ANKRD30A: variants seen among roughly 807,000 people sequenced by gnomAD.
ANKRD30A encodes ankyrin repeat domain-containing protein 30A.
Under a neutral mutation model 166.3 loss-of-function variants are expected in ANKRD30A, and 170 were observed. That is an observed-to-expected ratio of 1.02 (90% CI 0.90 to 1.16). The LOEUF (loss-of-function observed/expected upper bound fraction) is 1.16. ANKRD30A is among the 50% of genes most tolerant of loss of function. The probability of loss-of-function intolerance (pLI) is 0.00; values close to 1 mark genes in which losing one functional copy is unlikely to be tolerated. For synonymous variants in ANKRD30A, 564 were observed against 508.9 expected, an observed-to-expected ratio of 1.11 and a Z score of -1.46; for missense variants, 1,630 against 1,518.0, an observed-to-expected ratio of 1.07 and a Z score of -1.23.
chr10:37,240,394 T>C, the ANKRD30A span, among the ~76,000 whole-genome samples: 3 of 152,130 alleles, frequency 2.0e-5, no homozygotes, highest in Non-Finnish European at 2.9e-5. Flanking sequence ...TTGTAATGCA[T>C]AGCCAAACAG....
At position 37,231,453 on chromosome 10, in the gene ANKRD30A, C is replaced by T. The variant is rs778901158; in HGVS notation, c.4186-8C>T. ...ATACTAAGCATTTTCCTTTTGCAAT[C>T]TTCACAGAACTCATGAGAGACAAGC... On this transcript the variant is annotated splice_region_variant and splice_polypyrimidine_tract_variant and intron_variant, in intron 34 of 35. Coordinates refer to ENST00000361713, the MANE Select transcript of ANKRD30A (RefSeq NM_052997.3). The T allele has an allele frequency of 2.5e-6, 4 of 1,586,078 alleles. No individual in the cohort carries two copies. Among genetic ancestry groups the T allele is most frequent in the Non-Finnish European group, 3.4e-6 (4 of 1,164,912 alleles).
chr10:37,142,083 A>G lies in ANKRD30A; in HGVS notation c.1186A>G (p.Met396Val). The G allele has an allele frequency of 3.1e-6, 5 of 1,610,948 alleles. No homozygotes were observed. Among genetic ancestry groups the G allele is most frequent in the Non-Finnish European group, 4.2e-6 (5 of 1,178,894 alleles). Reference sequence around the variant, plus strand: ...AAAAGAAGACACACCTAGGGAAATTATGAGTCCCGCAAAAGAAACATCTGA... The same window carrying G: ...AAAAGAAGACACACCTAGGGAAATTGTGAGTCCCGCAAAAGAAACATCTGA... ...EKKEDTPREI[M>V]SPAKETSEKF... is the part of the protein sequence containing the mutation. Residue 396 changes from methionine to valine, a missense_variant, in exon 7 of 36, where the codon ATG (methionine) becomes GTG (valine). Physicochemically the swap from Met to Val is conservative, Grantham distance 21. Around this residue, in one of 4 missense-constraint regions of ANKRD30A, gnomAD observed 904 missense variants for 818.5 expected, o/e 1.10. Coordinates refer to ENST00000361713, the MANE Select transcript of ANKRD30A (RefSeq NM_052997.3).
At chr10:37,236,430 C>T (rs1843678068), downstream of ANKRD30A, among the ~76,000 whole-genome samples, 1 of 152,288 alleles carries the variant, frequency 6.6e-6, no homozygotes, top group Middle Eastern at 3.4e-3. Flanking sequence ...GAGCAGGCAG[C>T]TTCCTGCAGA....
intron 15 of ANKRD30A, among the ~76,000 whole-genome samples, chr10:37,160,247 C>T (rs916783006): frequency 1.1e-4 from 16 of 152,240 alleles, no homozygotes; most frequent in East Asian, 1.9e-4. Context: ...ACTGCTTCAT[C>T]CACTGTTAGA....
rs186280036 is a variant in ANKRD30A at position 37,148,478 on chromosome 10, A to T, written c.1543+1021A>T. On this transcript the variant is annotated intron_variant, in intron 9 of 35. Transcript: ENST00000361713. ...AGTTAGAGTTTTTTTAAATTTTTTT[A>T]AAAATTTTTTTAGCAGAGGCATTCT... Among the ~76,000 whole-genome samples the T allele has an allele frequency of 1.6e-4, 24 of 152,174 alleles. No homozygotes were observed. The East Asian group carries it at 3.9e-3, about 24-fold the overall frequency.
At chr10:37,242,131 T>C in the ANKRD30A span, 1 of 152,222 alleles carries the variant, frequency 6.6e-6, no homozygotes, top group African/African-American at 2.4e-5. Flanking sequence ...CTGTATCTCT[T>C]AGACTTTCAA....
chr10:37,262,313 A>T, the ANKRD30A span, among the ~76,000 whole-genome samples: 1 of 152,214 alleles, frequency 6.6e-6, no homozygotes, highest in African/African-American at 2.4e-5. Flanking sequence ...ATCTGCCTGT[A>T]TGTTCCCTAA....
At chr10:37,192,278 C>T (rs926192571) in intron 25 of ANKRD30A, among the ~76,000 whole-genome samples, 7 of 151,902 alleles carry the variant, frequency 4.6e-5, no homozygotes, top group African/African-American at 7.3e-5. Context: ...TCCTGGCCTC[C>T]AGAGATCCGC....
the ANKRD30A span, among the ~76,000 whole-genome samples, chr10:37,238,023 T>G: frequency 3.9e-5 from 6 of 152,172 alleles, no homozygotes; most frequent in Non-Finnish European, 8.8e-5. Flanking sequence ...TGCATAAAAT[T>G]ACCCAACTCT....
chr10:37,254,685 T>TC, the ANKRD30A span, among the ~76,000 whole-genome samples: 330 of 141,880 alleles, frequency 2.3e-3, no homozygotes, highest in Middle Eastern at 0.018. Flanking sequence ...TTTCTTTTCT[T>TC]TTTTTTTTTT....
At position 37,217,888 on chromosome 10, in the gene ANKRD30A, T is replaced by A. The variant is rs1450706138; in HGVS notation, c.3267+10T>A. The A allele has an allele frequency of 2.7e-6, 4 of 1,502,850 alleles. No individual in the cohort carries two copies. The Admixed American group carries it at 7.3e-5, about 28-fold the overall frequency. 93.1% of individuals were successfully genotyped at this position (1,502,850 alleles called of 1,614,324 possible). The stretch of plus-strand genomic sequence containing the variant: ...AAGTAATTTGAATCAGGTAAATCAA[T>A]CTCTGATAAAAATTTTATATTTCTA... On this transcript the variant is annotated intron_variant, in intron 33 of 35. Transcript: ENST00000361713.
intron 1 of ANKRD30A, among the ~76,000 whole-genome samples, chr10:37,128,112 T>C (rs1237500967): frequency 1.3e-5 from 2 of 152,094 alleles, no homozygotes; most frequent in Non-Finnish European, 2.9e-5. Context: ...GTGTACCAAC[T>C]GAGGGTAAAG....
At chr10:37,232,764 A>T (rs1468181940), downstream of ANKRD30A, among the ~76,000 whole-genome samples, 3 of 141,774 alleles carry the variant, frequency 2.1e-5, no homozygotes, top group African/African-American at 7.7e-5. Context: ...ATATGCAGTC[A>T]TCCTAGCTAC....
chr10:37,179,761 C>T (rs1445617735), intron 24 of ANKRD30A, among the ~76,000 whole-genome samples: 4 of 127,072 alleles, frequency 3.1e-5, no homozygotes, highest in South Asian at 2.9e-4. Flanking sequence ...TAGCATTCTA[C>T]GTTCAGCTTT....
chr10:37,208,783 G>A (rs147126594), intron 31 of ANKRD30A, among the ~76,000 whole-genome samples: 85 of 152,224 alleles, frequency 5.6e-4, no homozygotes, highest in African/African-American at 1.8e-3. Context: ...CATGTCTCAA[G>A]CAAGTGAAAG....
At chr10:37,193,954 G>C (rs1420388912) in intron 27 of ANKRD30A, among the ~76,000 whole-genome samples, 1 of 152,092 alleles carries the variant, frequency 6.6e-6, no homozygotes, top group African/African-American at 2.4e-5. Context: ...TAGCAGTTTG[G>C]GAGAGAAAGG....
intron 25 of ANKRD30A, among the ~76,000 whole-genome samples, chr10:37,190,095 A>G (rs1840408235): frequency 6.6e-6 from 1 of 151,900 alleles, no homozygotes; most frequent in Non-Finnish European, 1.5e-5. Context: ...GCTGTGTTCT[A>G]TTTGCAATAG....
chr10:37,189,997 C>T (rs1840399381), intron 25 of ANKRD30A, among the ~76,000 whole-genome samples: 2 of 151,684 alleles, frequency 1.3e-5, no homozygotes, highest in African/African-American at 4.9e-5. Flanking sequence ...CAAAATTTAC[C>T]AGAGAATTAC....
In ANKRD30A at chr10:37,125,936, A is replaced by G; in HGVS notation, c.149A>G (p.Gln50Arg). The G allele has an allele frequency of 6.2e-7, 1 of 1,612,000 alleles. No individual in the cohort carries two copies. The highest frequency in any genetic ancestry group is 2.2e-5 in the East Asian group (1 of 44,854). Residue 50 changes from glutamine to arginine, a missense_variant, in exon 1 of 36, where the codon CAA (glutamine) becomes CGA (arginine). Physicochemically the swap from Gln to Arg is conservative, Grantham distance 43. Around this residue, in one of 4 missense-constraint regions of ANKRD30A, gnomAD observed 904 missense variants for 818.5 expected, o/e 1.10. Coordinates refer to ENST00000361713, the MANE Select transcript of ANKRD30A (RefSeq NM_052997.3). ...RKIHKAASRG[Q>R]VRKLEKMTKR... ...ATCCATAAAGCTGCCTCCCGGGGACAAGTCCGGAAGCTGGAGAAGATGACA... is the reference window on the plus strand; with the variant it reads ...ATCCATAAAGCTGCCTCCCGGGGACGAGTCCGGAAGCTGGAGAAGATGACA...
Sources: allele counts gnomAD v4.1 joint callset (sites outside exome capture counted in the v4.1 genomes callset), GRCh38; gene constraint gnomAD v4.1.1; regional missense constraint gnomAD v4.1.1; transcripts MANE v1.5; gene names NCBI Gene and HGNC (gene_info 2026-07-23, HGNC 2026-07-21).